Variants in ZNF385D observed in about 807,000 individuals in gnomAD.
The protein encoded by ZNF385D is zinc finger protein 659.
A neutral mutation model predicts 35.8 loss-of-function variants in ZNF385D; 15 were observed. That is an observed-to-expected ratio of 0.42 (90% CI 0.28 to 0.64). ZNF385D has a LOEUF of 0.64. Ranked by LOEUF, ZNF385D falls within the 30% of genes least tolerant of loss-of-function variation. ZNF385D has a pLI of 0.23. For synonymous variants in ZNF385D, 212 were observed against 186.8 expected (o/e 1.13, Z -1.10); for missense variants, 474 against 494.6 (o/e 0.96, Z 0.39).
intron 3 of ZNF385D, among the ~76,000 whole-genome samples, chr3:22,016,340 G>A (rs28638460): frequency 0.057 from 8,597 of 152,088 alleles, 814 homozygotes; most frequent in African/African-American, 0.19. Context: ...GCTCACAATG[G>A]CATTAGTGCT....
At chr3:21,798,051 T>C (rs1039427407) in intron 3 of ZNF385D, among the ~76,000 whole-genome samples, 2 of 152,188 alleles carry the variant, frequency 1.3e-5, no homozygotes, top group African/African-American at 4.8e-5. Flanking sequence ...GATGTGTCAA[T>C]GCAAGTTCAT....
chr3:21,742,203 T>A (rs2069548647), intron 1 of ZNF385D, among the ~76,000 whole-genome samples: 1 of 152,224 alleles, frequency 6.6e-6, no homozygotes, highest in African/African-American at 2.4e-5. Flanking sequence ...CTGATTGTAT[T>A]AAGTACTGAT....
chr3:22,233,960 C>T (rs1219534538), intron 2 of ZNF385D, among the ~76,000 whole-genome samples: 2 of 152,082 alleles, frequency 1.3e-5, no homozygotes, highest in African/African-American at 4.8e-5. Flanking sequence ...CTTCTATCTC[C>T]TAATCTGCAA....
At position 21,421,445 on chromosome 3, in the gene ZNF385D, T is replaced by C; in HGVS notation, c.957A>G (p.Val319=). The C allele has an allele frequency of 6.2e-7, 1 of 1,608,028 alleles. No individual in the cohort carries two copies. The highest frequency in any genetic ancestry group is 8.5e-7 in the Non-Finnish European group (1 of 1,175,468). Residue 319 remains valine, a splice_region_variant and synonymous_variant, in exon 8 of 8, where the codon GTA becomes GTG. Transcript: ENST00000281523. ...AAGGTTCTTTTGAAAATACTAATTT[T>C]ACCTGCAAGGGAGAAAAAATATTGT... is the stretch of plus-strand genomic sequence containing the variant. ...KLQKTAHPLG[V]KLVFSKEPSK...
intron 3 of ZNF385D, among the ~76,000 whole-genome samples, chr3:21,958,580 A>AC (rs1702410782): frequency 6.6e-6 from 1 of 152,096 alleles, no homozygotes; most frequent in Non-Finnish European, 1.5e-5. Context: ...AAAAGATAAA[A>AC]CCATTGTTCC....
At chr3:22,273,901 T>A (rs1701298838) in intron 2 of ZNF385D, among the ~76,000 whole-genome samples, 1 of 152,016 alleles carries the variant, frequency 6.6e-6, no homozygotes, top group Admixed American at 6.6e-5. Context: ...GACAATGGTT[T>A]TCCATATGTT....
At chr3:21,441,727 G>A in intron 4 of ZNF385D, 1 of 985,308 alleles carries the variant, frequency 1.0e-6, no homozygotes, top group Non-Finnish European at 1.2e-6. Context: ...GGGCTTCATT[G>A]CACCTTTTTT....
intron 3 of ZNF385D, among the ~76,000 whole-genome samples, 167 bp from the exon 4 acceptor site, chr3:21,511,190 G>A (rs956416935): frequency 6.6e-6 from 1 of 152,078 alleles, no homozygotes; most frequent in Non-Finnish European, 1.5e-5. Flanking sequence ...GAAAGCAATG[G>A]GAATCCAGTT....
intron 2 of ZNF385D, among the ~76,000 whole-genome samples, chr3:22,367,884 T>A (rs1416891753): frequency 6.6e-6 from 1 of 152,186 alleles, no homozygotes; most frequent in Non-Finnish European, 1.5e-5. Flanking sequence ...AATCCTCAAA[T>A]GTAACTTCCT....
At chr3:21,858,736 A>C (rs1226433407) in intron 3 of ZNF385D, among the ~76,000 whole-genome samples, 1 of 152,152 alleles carries the variant, frequency 6.6e-6, no homozygotes, top group Non-Finnish European at 1.5e-5. Context: ...AGACTAAGAC[A>C]GCACGAATGA....
At chr3:21,680,242 C>T (rs2125309917) in intron 1 of ZNF385D, among the ~76,000 whole-genome samples, 1 of 152,180 alleles carries the variant, frequency 6.6e-6, no homozygotes, top group Non-Finnish European at 1.5e-5. Context: ...TGGTTACTCA[C>T]TCTCTTGAAT....
At chr3:22,191,769 A>T (rs1252889276) in intron 2 of ZNF385D, among the ~76,000 whole-genome samples, 3 of 152,176 alleles carry the variant, frequency 2.0e-5, no homozygotes, top group African/African-American at 7.2e-5. Flanking sequence ...TAAAATAAAG[A>T]CTATCATTAA....
intron 3 of ZNF385D, among the ~76,000 whole-genome samples, chr3:22,031,531 T>C (rs1443583609): frequency 6.6e-6 from 1 of 152,048 alleles, no homozygotes; most frequent in African/African-American, 2.4e-5. Flanking sequence ...ACGGCTGGAG[T>C]TGGAGCGGCT....
intron 3 of ZNF385D, among the ~76,000 whole-genome samples, chr3:21,771,366 G>T (rs1453298149): frequency 6.6e-6 from 1 of 151,708 alleles, no homozygotes; most frequent in Non-Finnish European, 1.5e-5. Flanking sequence ...GAAAGCCCTG[G>T]GGAAAGGGGT....
chr3:21,703,469 C>G (rs985056176), intron 1 of ZNF385D, among the ~76,000 whole-genome samples: 25 of 152,208 alleles, frequency 1.6e-4, no homozygotes, highest in African/African-American at 5.8e-4. Context: ...CTTCTCCTTG[C>G]CCAGGATATT....
chr3:22,363,049 T>C (rs1696488368), intron 2 of ZNF385D, among the ~76,000 whole-genome samples: 1 of 152,062 alleles, frequency 6.6e-6, no homozygotes. Flanking sequence ...TAGTTCGCTG[T>C]GCCCTACTTA....
At chr3:22,270,556 G>T (rs1701120087) in intron 2 of ZNF385D, among the ~76,000 whole-genome samples, 1 of 151,936 alleles carries the variant, frequency 6.6e-6, no homozygotes, top group African/African-American at 2.4e-5. Context: ...GTGTTAGAGT[G>T]AATGACAGTG....
chr3:21,448,863 C>CT (rs71044919), intron 4 of ZNF385D, among the ~76,000 whole-genome samples: 97,985 of 151,842 alleles, frequency 0.65, 31,900 homozygotes, highest in African/African-American at 0.72. Context: ...CAAACTGCCC[C>CT]AGCACCAAAA....
intron 3 of ZNF385D, among the ~76,000 whole-genome samples, chr3:21,891,762 T>C (rs141311049): frequency 2.0e-5 from 3 of 152,344 alleles, no homozygotes; most frequent in African/African-American, 7.2e-5. Flanking sequence ...GGTGGTAGTC[T>C]ATTGTCATTA....
Sources: gnomAD v4.1 joint callset for allele counts (sites outside exome capture counted in the v4.1 genomes callset) on GRCh38, gnomAD v4.1.1 for gene constraint, MANE v1.5 for transcripts, NCBI Gene and HGNC (gene_info 2026-07-23, HGNC 2026-07-21) for gene names.